TSN: variants seen among roughly 807,000 people sequenced by gnomAD.
TSN encodes the protein component 3 of promoter of RISC.
In TSN, 5 loss-of-function variants were observed where a neutral mutation model predicts 29.4. The observed-to-expected ratio is 0.17, with a 90% CI of 0.09 to 0.36. TSN has a LOEUF of 0.36. Among genes scored for constraint, TSN ranks in the 10% least tolerant of loss-of-function variants. TSN has a pLI of 1.00. For missense variants in TSN, 159 were observed against 272.8 expected, an observed-to-expected ratio of 0.58 and a Z score of 2.94; for synonymous variants, 106 against 102.2, an observed-to-expected ratio of 1.04 and a Z score of -0.23.
chr2:121,759,211 C>T (rs1003642841), intron 3 of TSN, among the ~76,000 whole-genome samples: 1 of 152,088 alleles, frequency 6.6e-6, no homozygotes, highest in Non-Finnish European at 1.5e-5. Context: ...ATGTAATTAG[C>T]TAATATTTTA....
chr2:121,765,181 C>G lies in TSN; in HGVS notation c.501C>G (p.Pro167=). The change falls in exon 6 of 6, where the codon CCC becomes CCG. Residue 167 remains proline, a synonymous_variant. Coordinates refer to ENST00000389682, the MANE Select transcript of TSN (RefSeq NM_004622.3). ...NSVTAGDYSR[P]LHISTFINEL... is the part of the protein sequence containing the mutation. ...TGACTGCTGGAGACTACTCCCGACC[C>G]CTCCACATCTCCACCTTCATCAATG... The G allele has an allele frequency of 6.2e-7, 1 of 1,614,210 alleles. No homozygotes were observed. Among genetic ancestry groups the G allele is most frequent in the South Asian group, 1.1e-5 (1 of 91,088 alleles).
chr2:121,756,749 A>G (rs2074755014), intron 1 of TSN: 1 of 530,742 alleles, frequency 1.9e-6, no homozygotes, highest in South Asian at 1.9e-5. Context: ...TACTAAAAAT[A>G]TAAAAGAACA....
chr2:121,756,098 CTTGT>C, intron 1 of TSN: 1 of 705,260 alleles, frequency 1.4e-6, no homozygotes, highest in Non-Finnish European at 2.2e-6. Context: ...CTTTTCAGCA[CTTGT>C]TTATATCGAA....
rs540521697 is a variant in TSN, at chr2:121,763,549, C to T, written c.453+465C>T. Among the ~76,000 whole-genome samples the T allele has an allele frequency of 3.9e-5, 6 of 152,244 alleles. No homozygotes were observed. The South Asian group carries it at 1.2e-3, about 32-fold the overall frequency. On this transcript the variant is annotated intron_variant, in intron 5 of 5. Transcript: ENST00000389682. ...TCACTGACTGGCACTGTATGTGTTA[C>T]AATTTACTAGGCATCAGAGAAAAGC...
Position 121,755,804 on chromosome 2 carries a change from G to A in TSN, c.25G>A (p.Glu9Lys). 1.2e-6 allele frequency: 2 copies of A among 1,614,068 alleles called. No homozygotes were observed. The highest frequency in any genetic ancestry group is 1.7e-6 in the Non-Finnish European group (2 of 1,180,038). The change falls in exon 1 of 6, where the codon GAG becomes AAG. Residue 9 changes from glutamate (E) to lysine (K), a missense_variant. Glu to Lys is a moderately conservative substitution (Grantham distance 56, BLOSUM62 1). This residue lies in a region of TSN where 43 missense variants were observed against 68.6 expected (regional missense o/e 0.63). Coordinates refer to ENST00000389682, the MANE Select transcript of TSN (RefSeq NM_004622.3). ...CATGTCTGTGAGCGAGATCTTCGTG[G>A]AGCTGCAGGGCTTTTTGGCTGCCGA... Reference protein sequence around the residue: MSVSEIFVELQGFLAAEQD... With the variant: MSVSEIFVKLQGFLAAEQD...
chr2:121,758,898 C>T (rs2074784239), intron 3 of TSN, 92 bp downstream of exon 3: 1 of 806,264 alleles, frequency 1.2e-6, no homozygotes, highest in East Asian at 3.2e-5. Flanking sequence ...ACTAGGCAAA[C>T]ATCCTGTGTA....
At position 121,758,721 on chromosome 2, in the gene TSN, T is replaced by G. The variant is rs764578296; in HGVS notation, c.172T>G (p.Cys58Gly). The G allele has an allele frequency of 2.5e-6, 4 of 1,581,328 alleles. No individual in the cohort carries two copies. The change falls in exon 3 of 6, where the codon TGT becomes GGT. Residue 58 changes from cysteine to glycine, a missense_variant. Cys to Gly is a radical substitution (Grantham distance 159). Coordinates refer to ENST00000389682, the MANE Select transcript of TSN (RefSeq NM_004622.3). ...TCTTTTGTGACTAGTTCCAAAGAGG[T>G]GTTTGAAAGCTCGAGAACATTTTGG... ...GAGFQDIPKR[C>G]LKAREHFGTV... is the part of the protein sequence containing the mutation.
chr2:121,763,206 A>G lies in TSN; in HGVS notation c.453+122A>G, dbSNP rs1219588881. The G allele has an allele frequency of 5.0e-5, 32 of 641,126 alleles. No individual in the cohort carries two copies. In the East Asian group the frequency reaches 8.0e-4, roughly 16 times the overall value. 39.7% of individuals were successfully genotyped at this position (641,126 alleles called of 1,614,324 possible). ...CGCCTAGGCTGGAGTGCAGTGGCGC[A>G]ATCTCGGCTCACTGCAAGCTCCGCC... On this transcript the variant is annotated intron_variant, in intron 5 of 5. Transcript: ENST00000389682.
At position 121,766,708 on chromosome 2, in the gene TSN, C is replaced by T. The variant is rs1023475292; in HGVS notation, c.*1341C>T. 1 of 152,202 alleles carries T rather than the reference C, an allele frequency of 6.6e-6. No homozygotes were observed. Among genetic ancestry groups the T allele is most frequent in the African/African-American group, 2.4e-5 (1 of 41,442 alleles). The allele number at this position is 152,202 out of a possible 1,614,324, so 9.4% of individuals were successfully genotyped here. A position where few individuals can be genotyped will look rare whatever the true frequency, so the allele number is the denominator to read the frequency against. ...TTAATCCGTAGTTATTTTGCACCCA[C>T]TGAAAGGAAAGTGCTTTCCAGAATA... On this transcript the variant is annotated 3_prime_UTR_variant, in exon 6 of 6. Transcript: ENST00000389682.
At chr2:121,761,557 C>G (rs1573390037) in intron 4 of TSN, 33 bp downstream of exon 4, 1 of 1,508,812 alleles carries the variant, frequency 6.6e-7, no homozygotes, top group Non-Finnish European at 9.2e-7. Context: ...TCTGCAGAAT[C>G]AGGCATGGTT....
At chr2:121,758,639 C>A in intron 2 of TSN, 71 bp from the exon 3 acceptor site, 1 of 1,138,502 alleles carries the variant, frequency 8.8e-7, no homozygotes, top group Non-Finnish European at 1.2e-6. Context: ...AGATAGATTA[C>A]TTAGATTATT....
rs1194032686 is a variant in TSN, at chr2:121,758,766, A to C, written c.217A>C (p.Thr73Pro). 1 of 1,596,240 alleles carries C rather than the reference A, an allele frequency of 6.3e-7. No homozygotes were observed. Among genetic ancestry groups the C allele is most frequent in the Admixed American group, 1.8e-5 (1 of 56,722 alleles). The change falls in exon 3 of 6, where the codon ACA (threonine) becomes CCA (proline). Residue 73 changes from threonine (T) to proline (P), a missense_variant. By Grantham distance (38) the Thr-to-Pro change is conservative. This residue lies in a region of TSN where 31 missense variants were observed against 26.1 expected (regional missense o/e 1.19). Transcript: ENST00000389682. ...TTTTGGTACAGTAAAAACACATCTA[A>C]CATCTTTGAAGACCAAATTTCCTGC... ...EHFGTVKTHL[T>P]SLKTKFPAEQ...
At chr2:121,758,607 GTT>G (rs1183709416) in intron 2 of TSN, 101 bp from the exon 3 acceptor site, 12 of 838,850 alleles carry the variant, frequency 1.4e-5, no homozygotes, top group Non-Finnish European at 5.2e-6. Flanking sequence ...TAGTTGTGAG[GTT>G]TTTTTGTTGA....
intron 3 of TSN, among the ~76,000 whole-genome samples, chr2:121,759,566 C>T (rs1175713311): frequency 6.6e-6 from 1 of 151,926 alleles, no homozygotes; most frequent in Non-Finnish European, 1.5e-5. Context: ...CAAGATTGTG[C>T]CATTGCACTC....
intron 1 of TSN, chr2:121,756,792 C>G: frequency 2.0e-5 from 7 of 354,002 alleles, no homozygotes; most frequent in South Asian, 1.5e-4. Context: ...ACCTGTAATC[C>G]CAGCTACTCG....
chr2:121,756,644 C>T (rs1389948468), intron 1 of TSN: 3 of 1,296,982 alleles, frequency 2.3e-6, no homozygotes, highest in Non-Finnish European at 3.0e-6. Flanking sequence ...GCGCCTCATG[C>T]CTGTAATTCC....
chr2:121,760,701 C>T (rs930209616), intron 3 of TSN, among the ~76,000 whole-genome samples: 1 of 152,124 alleles, frequency 6.6e-6, no homozygotes, highest in Non-Finnish European at 1.5e-5. Flanking sequence ...GTATTCTGCA[C>T]TCAAATCAAA....
intron 2 of TSN, among the ~76,000 whole-genome samples, chr2:121,758,031 G>A (rs1271939278): frequency 6.7e-6 from 1 of 150,272 alleles, no homozygotes; most frequent in African/African-American, 2.5e-5. Context: ...GTGTGTGTGT[G>A]TATGTGTGTA....
chr2:121,755,933 G>T, intron 1 of TSN, 88 bp downstream of exon 1: 1 of 1,593,324 alleles, frequency 6.3e-7, no homozygotes. Context: ...TCAGTCTCGG[G>T]CGGTGGGGAC....
Sources: gnomAD v4.1 joint callset for allele counts (sites outside exome capture counted in the v4.1 genomes callset) on GRCh38, gnomAD v4.1.1 for gene constraint, gnomAD v4.1.1 regional missense constraint, MANE v1.5 for transcripts, NCBI Gene and HGNC (gene_info 2026-07-23, HGNC 2026-07-21) for gene names.